The following MYT1L variants were observed in gnomAD, a reference collection of about 807,000 sequenced individuals.
MYT1L encodes myelin transcription factor 1 like.
MYT1L carries 12 observed loss-of-function variants against 126.7 expected under a neutral mutation model. That is an observed-to-expected ratio of 0.09 (90% CI 0.06 to 0.15). The LOEUF (loss-of-function observed/expected upper bound fraction) is 0.15. Ranked by LOEUF, MYT1L falls within the 10% of genes least tolerant of loss-of-function variation. The pLI, the probability that MYT1L is intolerant of heterozygous loss-of-function variation, is 1.00. For synonymous variants in MYT1L, 541 were observed against 604.2 expected (o/e 0.90, Z 1.53); for missense variants, 979 against 1,585.2 (o/e 0.62, Z 6.49).
chr2:1,794,670 G>A (rs1370818202), intron 23 of MYT1L, among the ~76,000 whole-genome samples: 2 of 152,228 alleles, frequency 1.3e-5, no homozygotes, highest in African/African-American at 4.8e-5. Flanking sequence ...CCCTTCTGCA[G>A]AGGCAGAGAT....
intron 3 of MYT1L, among the ~76,000 whole-genome samples, chr2:2,136,528 C>A (rs1437142861): frequency 6.6e-6 from 1 of 152,282 alleles, no homozygotes; most frequent in East Asian, 1.9e-4. Flanking sequence ...GAGGAGGGAG[C>A]AAGTCAATCA....
chr2:2,213,911 T>A (rs2093603853), intron 2 of MYT1L, among the ~76,000 whole-genome samples: 1 of 152,166 alleles, frequency 6.6e-6, no homozygotes, highest in Non-Finnish European at 1.5e-5. Context: ...CTGACACCAC[T>A]GTTAGAATTA....
chr2:2,247,247 A>G (rs1274636705), intron 2 of MYT1L, among the ~76,000 whole-genome samples: 1 of 151,956 alleles, frequency 6.6e-6, no homozygotes, highest in African/African-American at 2.4e-5. Flanking sequence ...CTTATGTAAG[A>G]CAAAATATAT....
At chr2:1,822,135 C>G (rs778443263) in intron 21 of MYT1L, among the ~76,000 whole-genome samples, 1 of 152,222 alleles carries the variant, frequency 6.6e-6, no homozygotes, top group Non-Finnish European at 1.5e-5. Flanking sequence ...CCCTCCCCAA[C>G]AGCTCCTCTG....
At chr2:2,301,170 T>C (rs779736671) in intron 1 of MYT1L, among the ~76,000 whole-genome samples, 92 of 152,346 alleles carry the variant, frequency 6.0e-4, no homozygotes, top group Non-Finnish European at 1.0e-3. Context: ...TGCACTTTTC[T>C]CTTCGCCCTT....
In MYT1L at chr2:1,929,666, G is replaced by C. The variant is rs2054694293; in HGVS notation, c.506-6403C>G. 6.6e-6 allele frequency among the ~76,000 whole-genome samples: 1 copy of C among 152,238 alleles called. No homozygotes were observed. Among genetic ancestry groups the C allele is most frequent in the Non-Finnish European group, 1.5e-5 (1 of 68,046 alleles). On this transcript the variant is annotated intron_variant, in intron 9 of 24. Transcript: ENST00000647738. This position sits in a 1 kb window ranked among gnomAD's most constrained non-coding sequence, Gnocchi z 4.7. ...ATTCTCCCAGCAGAAGCTCCCACTAGTCTTATTCATCTTGAGTATAGATTA... is the reference window on the plus strand; with the variant it reads ...ATTCTCCCAGCAGAAGCTCCCACTACTCTTATTCATCTTGAGTATAGATTA...
intron 3 of MYT1L, among the ~76,000 whole-genome samples, chr2:2,065,313 A>G (rs1349484711): frequency 2.0e-5 from 3 of 152,220 alleles, no homozygotes; most frequent in Non-Finnish European, 2.9e-5. Flanking sequence ...TAAAATAATT[A>G]TAATACCCCA....
intron 3 of MYT1L, among the ~76,000 whole-genome samples, chr2:2,110,765 G>C (rs954351754): frequency 6.6e-6 from 1 of 152,172 alleles, no homozygotes; most frequent in Admixed American, 6.5e-5. Flanking sequence ...TGGGGCCCCT[G>C]GAAGCAGGCA....
intron 4 of MYT1L, among the ~76,000 whole-genome samples, chr2:2,028,718 C>G (rs766781239): frequency 1.3e-5 from 2 of 152,190 alleles, no homozygotes; most frequent in Non-Finnish European, 2.9e-5. Context: ...ATAAAACCAT[C>G]TTTCATTGAT....
chr2:2,057,283 TA>T (rs2150125724), intron 3 of MYT1L, among the ~76,000 whole-genome samples: 1 of 152,038 alleles, frequency 6.6e-6, no homozygotes, highest in African/African-American at 2.4e-5. Flanking sequence ...TTCCCTTTCA[TA>T]GCCACGCCCA....
intron 4 of MYT1L, among the ~76,000 whole-genome samples, chr2:2,002,063 A>T (rs1052739353): frequency 1.3e-5 from 2 of 152,230 alleles, no homozygotes; most frequent in African/African-American, 2.4e-5. Flanking sequence ...AACATTTCAC[A>T]GAACAACACC....
At chr2:2,072,697 G>C (rs1307510642) in intron 3 of MYT1L, among the ~76,000 whole-genome samples, 1 of 152,126 alleles carries the variant, frequency 6.6e-6, no homozygotes, top group Non-Finnish European at 1.5e-5. Flanking sequence ...CATGGGGACA[G>C]TTTCCCCAGT....
intron 18 of MYT1L, among the ~76,000 whole-genome samples, chr2:1,870,208 A>C (rs1029370169): frequency 1.8e-4 from 27 of 152,212 alleles, no homozygotes; most frequent in African/African-American, 6.5e-4. Flanking sequence ...TTTGGCAGAA[A>C]TCCAAAGTGC....
At chr2:2,022,174 A>G (rs960018650) in intron 4 of MYT1L, among the ~76,000 whole-genome samples, 16 of 152,092 alleles carry the variant, frequency 1.1e-4, no homozygotes, top group African/African-American at 3.9e-4. Flanking sequence ...CGCCATGGCA[A>G]CCCCACAGGC....
intron 2 of MYT1L, among the ~76,000 whole-genome samples, chr2:2,267,631 G>A (rs553865809): frequency 2.6e-5 from 4 of 152,278 alleles, no homozygotes; most frequent in South Asian, 2.1e-4. Flanking sequence ...GCAGTTCACC[G>A]CTTGGTGGGC....
At chr2:2,236,757 TTTCTTCTTCTTCTTCTTCTTCTTCTTC>T (rs760901038) in intron 2 of MYT1L, among the ~76,000 whole-genome samples, 1,532 of 132,584 alleles carry the variant, frequency 0.012, 25 homozygotes, top group Non-Finnish European at 0.019. Context: ...TTGGTTGTCC[TTTCTTCTTCTTCTTCTTCTTCTTCTTC>T]TTCTTCTTCT....
chr2:2,309,749 C>A (rs918958732), intron 1 of MYT1L, among the ~76,000 whole-genome samples: 1 of 151,936 alleles, frequency 6.6e-6, no homozygotes, highest in Non-Finnish European at 1.5e-5. Flanking sequence ...CTACATACAA[C>A]TTCAGTATGC....
chr2:2,233,843 C>T (rs1471952800), intron 2 of MYT1L, among the ~76,000 whole-genome samples: 1 of 152,212 alleles, frequency 6.6e-6, no homozygotes, highest in Non-Finnish European at 1.5e-5. Context: ...TGGCCTTTAA[C>T]TATGTCCAGC....
At chr2:1,905,650 G>A (rs1248371648) in intron 13 of MYT1L, among the ~76,000 whole-genome samples, 1 of 152,136 alleles carries the variant, frequency 6.6e-6, no homozygotes, top group African/African-American at 2.4e-5. Context: ...AACCACACCT[G>A]GAGGAAGACA....
Sources: gnomAD v4.1 joint callset for allele counts (sites outside exome capture counted in the v4.1 genomes callset) on GRCh38, gnomAD v4.1.1 for gene constraint, Gnocchi (gnomAD v3.1) non-coding constraint, MANE v1.5 for transcripts, NCBI Gene and HGNC (gene_info 2026-07-23, HGNC 2026-07-21) for gene names.